The following MGAT4C variants were observed in gnomAD, a reference collection of about 807,000 sequenced individuals.
MGAT4C encodes alpha-1,3-mannosyl-glycoprotein 4-beta-N-acetylglucosaminyltransferase C.
In MGAT4C, 19 loss-of-function variants were observed where a neutral mutation model predicts 40.1. The observed-to-expected ratio is 0.47, with a 90% CI of 0.33 to 0.70. The LOEUF (loss-of-function observed/expected upper bound fraction) is 0.70, where lower values mean the gene tolerates loss of function less well. Among genes scored for constraint, MGAT4C ranks in the 30% least tolerant of loss-of-function variants. The probability of loss-of-function intolerance (pLI) is 0.02; values close to 1 mark genes in which losing one functional copy is unlikely to be tolerated. For missense variants in MGAT4C, 491 were observed against 563.2 expected (o/e 0.87, Z 1.30); for synonymous variants, 181 against 187.1 (o/e 0.97, Z 0.27).
intron 4 of MGAT4C, among the ~76,000 whole-genome samples, chr12:86,324,100 T>G (rs2136165439): frequency 6.6e-6 from 1 of 152,070 alleles, no homozygotes; most frequent in African/African-American, 2.4e-5. Flanking sequence ...CAATGTAAAT[T>G]AAGTATACTG....
intron 2 of MGAT4C, chr12:86,015,741 T>G (rs374925309): frequency 1.3e-5 from 2 of 152,230 alleles, no homozygotes; most frequent in South Asian, 4.1e-4. Context: ...GACCTTAAAG[T>G]GCTTTCATTT....
intron 1 of MGAT4C, among the ~76,000 whole-genome samples, chr12:86,771,543 C>T (rs992002665): frequency 2.0e-5 from 3 of 151,826 alleles, no homozygotes; most frequent in Non-Finnish European, 4.4e-5. Context: ...ATATATATGT[C>T]ATTGTGTACA....
At chr12:86,393,833 G>A (rs1222354186) in intron 3 of MGAT4C, among the ~76,000 whole-genome samples, 3 of 151,968 alleles carry the variant, frequency 2.0e-5, no homozygotes, top group Admixed American at 6.6e-5. Context: ...TATAGAAATC[G>A]GCATCATCCA....
intron 2 of MGAT4C, among the ~76,000 whole-genome samples, chr12:86,576,288 T>C (rs1960556542): frequency 6.6e-6 from 1 of 151,976 alleles, no homozygotes; most frequent in Non-Finnish European, 1.5e-5. Context: ...GGTTGTCTCT[T>C]CACTTTGTTG....
At chr12:86,743,518 A>G (rs572012985) in intron 1 of MGAT4C, among the ~76,000 whole-genome samples, 1 of 151,670 alleles carries the variant, frequency 6.6e-6, no homozygotes, top group South Asian at 2.1e-4. Context: ...CTTTCACATA[A>G]GTTTTCTGGC....
rs182383653 is a variant in MGAT4C at position 86,071,036 on chromosome 12, T to A, written c.-56-21313A>T. On this transcript the variant is annotated intron_variant, in intron 1 of 4. Transcript: ENST00000611864. ...ATGAAATAAGACAGATAGTCTCAAG[T>A]TAAAACTCCTAAGTAATATTACTTT... Among the ~76,000 whole-genome samples the A allele has an allele frequency of 5.3e-5, 8 of 152,120 alleles. No individual in the cohort carries two copies. In the East Asian group the frequency reaches 1.5e-3, roughly 29 times the overall value.
intron 2 of MGAT4C, among the ~76,000 whole-genome samples, chr12:86,699,449 C>A (rs1053401726): frequency 3.3e-5 from 5 of 152,028 alleles, no homozygotes; most frequent in African/African-American, 1.2e-4. Context: ...CAATTTAGGT[C>A]ATCAGAGTGT....
rs138927408 is a variant in MGAT4C at position 86,030,078 on chromosome 12, T to C, written c.-7+19596A>G. 3.3e-3 allele frequency among the ~76,000 whole-genome samples: 499 copies of C among 151,832 alleles called. 4 individuals are homozygous for C. The highest frequency in any genetic ancestry group is 0.012 in the African/African-American group (482 of 41,518). On this transcript the variant is annotated intron_variant, in intron 2 of 4. Transcript: ENST00000611864. ...TATCGTATTTCATGACAAAGACTTA[T>C]AAATGAAGGAAGAAAAGAGATGGCA... is the stretch of plus-strand genomic sequence containing the variant.
chr12:86,442,501 C>T (rs986579192), intron 2 of MGAT4C, among the ~76,000 whole-genome samples: 1 of 151,786 alleles, frequency 6.6e-6, no homozygotes, highest in African/African-American at 2.4e-5. Context: ...GTGTTTAATC[C>T]ATCTTGAATT....
At chr12:86,405,053 A>G (rs961774212) in intron 3 of MGAT4C, among the ~76,000 whole-genome samples, 2 of 152,148 alleles carry the variant, frequency 1.3e-5, no homozygotes, top group Admixed American at 1.3e-4. Context: ...ACAAGAAAAA[A>G]AGTTTTCAGA....
At chr12:86,375,235 G>C (rs1418026515) in intron 3 of MGAT4C, among the ~76,000 whole-genome samples, 1 of 152,074 alleles carries the variant, frequency 6.6e-6, no homozygotes, top group East Asian at 1.9e-4. Flanking sequence ...AAATACAAAA[G>C]AATAGTTCAC....
At chr12:86,241,959 G>T (rs1951807437) in intron 1 of MGAT4C, among the ~76,000 whole-genome samples, 1 of 152,008 alleles carries the variant, frequency 6.6e-6, no homozygotes, top group Admixed American at 6.6e-5. Flanking sequence ...GGGAGGGGGG[G>T]AAATTGAGAA....
At chr12:86,325,574 A>G (rs55679549) in intron 4 of MGAT4C, among the ~76,000 whole-genome samples, 12,939 of 152,252 alleles carry the variant, frequency 0.085, 765 homozygotes, top group Middle Eastern at 0.22. Context: ...TGTAGCATTA[A>G]AACAATTAAA....
At chr12:86,064,777 T>A (rs1417507720) in intron 1 of MGAT4C, among the ~76,000 whole-genome samples, 1 of 152,124 alleles carries the variant, frequency 6.6e-6, no homozygotes, top group African/African-American at 2.4e-5. Flanking sequence ...ATCCAGGAGC[T>A]GGTTTTTTGA....
In MGAT4C at chr12:85,964,150, G is replaced by A. The variant is rs976722719; in HGVS notation, c.*15139C>T. 1.2e-4 allele frequency: 18 copies of A among 151,998 alleles called. No individual in the cohort carries two copies. The highest frequency in any genetic ancestry group is 5.2e-4 in the Admixed American group (8 of 15,260). 9.4% of individuals were successfully genotyped at this position (151,998 alleles called of 1,614,324 possible). On this transcript the variant is annotated 3_prime_UTR_variant, in exon 5 of 5. Coordinates refer to ENST00000611864, the MANE Select transcript of MGAT4C (RefSeq NM_001351288.2). ...ATCAAATATATGAAAAATTATGAAA[G>A]ATTATAAAACACCAATGATTAGATT...
chr12:86,051,217 C>T (rs1319470520), intron 1 of MGAT4C, among the ~76,000 whole-genome samples: 1 of 152,000 alleles, frequency 6.6e-6, no homozygotes, highest in Non-Finnish European at 1.5e-5. Context: ...ACGACCAGAA[C>T]TCTTGTAATT....
intron 2 of MGAT4C, among the ~76,000 whole-genome samples, chr12:86,674,702 A>G (rs971713170): frequency 6.6e-6 from 1 of 152,170 alleles, no homozygotes; most frequent in Non-Finnish European, 1.5e-5. Context: ...GTCTCAAAAA[A>G]ATAAAAATAA....
intron 1 of MGAT4C, among the ~76,000 whole-genome samples, chr12:86,106,817 G>A (rs1727420838): frequency 6.6e-6 from 1 of 152,094 alleles, no homozygotes; most frequent in Non-Finnish European, 1.5e-5. Context: ...TACATCTTCT[G>A]CTAAGTAGGA....
intron 2 of MGAT4C, among the ~76,000 whole-genome samples, chr12:86,681,043 A>C (rs1018351258): frequency 4.6e-5 from 7 of 151,966 alleles, no homozygotes; most frequent in African/African-American, 1.4e-4. Context: ...TACTTACTTA[A>C]ATAAAAATTA....
Sources: allele counts gnomAD v4.1 joint callset (sites outside exome capture counted in the v4.1 genomes callset), GRCh38; gene constraint gnomAD v4.1.1; transcripts MANE v1.5; gene names NCBI Gene and HGNC (gene_info 2026-07-23, HGNC 2026-07-21).